Variants in AUTS2 observed in about 807,000 individuals in gnomAD.
AUTS2 encodes autism susceptibility gene 2 protein.
In AUTS2, 17 loss-of-function variants were observed where a neutral mutation model predicts 112.4. The ratio of observed to expected loss-of-function variants is 0.15; its 90% CI spans 0.10 to 0.23. AUTS2 has a LOEUF of 0.23. Ranked by LOEUF, AUTS2 falls within the 10% of genes least tolerant of loss-of-function variation. The pLI is 1.00. For synonymous variants in AUTS2, 751 were observed against 702.7 expected, an observed-to-expected ratio of 1.07 and a Z score of -1.09; for missense variants, 1,510 against 1,701.6, an observed-to-expected ratio of 0.89 and a Z score of 1.98.
intron 6 of AUTS2, among the ~76,000 whole-genome samples, chr7:70,717,806 T>C (rs1183042214): frequency 6.6e-6 from 1 of 152,062 alleles, no homozygotes; most frequent in Non-Finnish European, 1.5e-5. Flanking sequence ...TTAAGCCACT[T>C]TTTCTCTTTA....
At chr7:69,948,720 C>T (rs982884717) in intron 2 of AUTS2, among the ~76,000 whole-genome samples, 4 of 151,942 alleles carry the variant, frequency 2.6e-5, no homozygotes, top group Non-Finnish European at 5.9e-5. Flanking sequence ...CTTTATATCA[C>T]TGTGGTAAGA....
intron 1 of AUTS2, among the ~76,000 whole-genome samples, chr7:69,683,542 C>T (rs1796910331): frequency 6.6e-6 from 1 of 152,056 alleles, no homozygotes; most frequent in African/African-American, 2.4e-5. Context: ...CACTGCACTC[C>T]AGCCTGTGTG....
At chr7:69,941,884 G>T (rs1363357793) in intron 2 of AUTS2, among the ~76,000 whole-genome samples, 1 of 152,084 alleles carries the variant, frequency 6.6e-6, no homozygotes, top group African/African-American at 2.4e-5. Flanking sequence ...CTGACTCAGG[G>T]TTATTATTTT....
At chr7:69,861,384 C>G (rs1330431300) in intron 1 of AUTS2, among the ~76,000 whole-genome samples, 1 of 152,092 alleles carries the variant, frequency 6.6e-6, no homozygotes, top group Non-Finnish European at 1.5e-5. Flanking sequence ...CCGTCTCTTG[C>G]CTGTGGATGT....
At chr7:70,030,199 G>A (rs909383393) in intron 2 of AUTS2, among the ~76,000 whole-genome samples, 3 of 152,126 alleles carry the variant, frequency 2.0e-5, no homozygotes, top group Non-Finnish European at 4.4e-5. Flanking sequence ...TCTGCATCAC[G>A]TGACCATGTT....
intron 5 of AUTS2, among the ~76,000 whole-genome samples, chr7:70,558,781 G>C (rs989489880): frequency 2.6e-5 from 4 of 152,202 alleles, no homozygotes; most frequent in African/African-American, 9.7e-5. Flanking sequence ...TTCATTCCTA[G>C]ATGGGAAACA....
chr7:69,639,011 A>C (rs1410469429), intron 1 of AUTS2, among the ~76,000 whole-genome samples: 2 of 152,234 alleles, frequency 1.3e-5, no homozygotes, highest in Admixed American at 1.3e-4. Flanking sequence ...AACCCGGAGA[A>C]AGGAATTAAA....
chr7:69,599,712 G>T lies in AUTS2; in HGVS notation c.59G>T (p.Arg20Leu). ...LRKKRRSRSQ[R>L]DRERRSRGGL... ...AAAAAGCGGCGGTCGCGGTCGCAGC[G>T]AGACCGGGAGAGGCGCTCCCGGGGC... Residue 20 changes from arginine to leucine, a missense_variant, in exon 1 of 19, where the codon CGA becomes CTA. Arg to Leu is a moderately radical substitution (Grantham distance 102). Coordinates refer to ENST00000342771, the MANE Select transcript of AUTS2 (RefSeq NM_015570.4). This position sits in a 1 kb window ranked among gnomAD's most constrained non-coding sequence, Gnocchi z 7.0. 1 of 1,325,458 alleles carries T rather than the reference G, an allele frequency of 7.5e-7. No individual in the cohort carries two copies. Among genetic ancestry groups the T allele is most frequent in the Non-Finnish European group, 9.6e-7 (1 of 1,042,728 alleles). 82.1% of individuals were successfully genotyped at this position (1,325,458 alleles called of 1,614,324 possible). A position where few individuals can be genotyped will look rare whatever the true frequency, so the allele number is the denominator to read the frequency against.
chr7:70,614,951 C>T (rs1296814985), intron 5 of AUTS2, among the ~76,000 whole-genome samples: 2 of 152,244 alleles, frequency 1.3e-5, no homozygotes, highest in Non-Finnish European at 2.9e-5. Flanking sequence ...GCATTGTTCT[C>T]TGCCTTCCAG....
At chr7:70,771,719 G>GCA in intron 11 of AUTS2, 75 bp downstream of exon 11, 1 of 1,325,072 alleles carries the variant, frequency 7.5e-7, no homozygotes, top group Non-Finnish European at 1.1e-6. Flanking sequence ...AGGAAGTTCT[G>GCA]CGTCCTCTTG....
chr7:70,453,176 G>A (rs936024676), intron 5 of AUTS2, among the ~76,000 whole-genome samples: 2 of 152,182 alleles, frequency 1.3e-5, no homozygotes, highest in Admixed American at 1.3e-4. Context: ...GCCTGCCAGT[G>A]TGCCCCTCAA....
intron 2 of AUTS2, among the ~76,000 whole-genome samples, chr7:69,916,854 C>G (rs1396998708): frequency 6.6e-6 from 1 of 152,238 alleles, no homozygotes; most frequent in Non-Finnish European, 1.5e-5. Flanking sequence ...TTCTCAGCCT[C>G]TAATCTTGCC....
intron 4 of AUTS2, among the ~76,000 whole-genome samples, chr7:70,374,979 C>T (rs757156732): frequency 6.6e-6 from 1 of 152,178 alleles, no homozygotes; most frequent in African/African-American, 2.4e-5. Flanking sequence ...GGGACAGCTG[C>T]TCCAACTCAG....
chr7:70,190,154 T>C (rs574129882), intron 4 of AUTS2, among the ~76,000 whole-genome samples: 2 of 152,234 alleles, frequency 1.3e-5, no homozygotes, highest in Non-Finnish European at 2.9e-5. Context: ...GCATCCTTTT[T>C]CTGCCATGAT....
chr7:69,879,514 A>G (rs1374167963), intron 1 of AUTS2, among the ~76,000 whole-genome samples: 1 of 152,072 alleles, frequency 6.6e-6, no homozygotes, highest in Non-Finnish European at 1.5e-5. Context: ...TTTCCTCGCC[A>G]GTAATATATT....
At chr7:70,435,050 G>T (rs979992124) in intron 4 of AUTS2, among the ~76,000 whole-genome samples, 1 of 152,104 alleles carries the variant, frequency 6.6e-6, no homozygotes. Flanking sequence ...TGGAATTTGG[G>T]ATCTGTTTGA....
At chr7:69,847,029 T>C (rs1792233872) in intron 1 of AUTS2, among the ~76,000 whole-genome samples, 1 of 152,204 alleles carries the variant, frequency 6.6e-6, no homozygotes, top group African/African-American at 2.4e-5. Context: ...CCCAGGCTCT[T>C]AACCTTGAAA....
At chr7:70,256,166 G>C (rs1232307681) in intron 4 of AUTS2, among the ~76,000 whole-genome samples, 1 of 152,156 alleles carries the variant, frequency 6.6e-6, no homozygotes, top group East Asian at 1.9e-4. Context: ...GATGAATCCT[G>C]ATTACCTTCA....
chr7:70,574,502 GTACTTTGGCCTACATAGTACAA>G, intron 5 of AUTS2, among the ~76,000 whole-genome samples: 2 of 152,126 alleles, frequency 1.3e-5, no homozygotes, highest in East Asian at 3.9e-4. Flanking sequence ...GGCCCTCTCT[GTACTTTGGCCTACATAGTACAA>G]GCAACGTTTG....
Sources: allele counts gnomAD v4.1 joint callset (sites outside exome capture counted in the v4.1 genomes callset), GRCh38; gene constraint gnomAD v4.1.1; non-coding constraint Gnocchi (gnomAD v3.1); transcripts MANE v1.5; gene names NCBI Gene and HGNC (gene_info 2026-07-23, HGNC 2026-07-21).